The following ERC1 variants were observed in gnomAD, a reference collection of about 807,000 sequenced individuals.
ERC1 encodes the protein ELKS/RAB6-interacting/CAST family member 1.
In ERC1, 56 loss-of-function variants were observed where a neutral mutation model predicts 132.0. That is an observed-to-expected ratio of 0.42 (90% CI 0.34 to 0.53). The LOEUF (loss-of-function observed/expected upper bound fraction) is 0.53, where lower values mean the gene tolerates loss of function less well. Among genes scored for constraint, ERC1 ranks in the 20% least tolerant of loss-of-function variants. ERC1 has a pLI of 0.03. For missense variants in ERC1, 1,202 were observed against 1,349.9 expected, an observed-to-expected ratio of 0.89 and a Z score of 1.72; for synonymous variants, 478 against 476.1, an observed-to-expected ratio of 1.00 and a Z score of -0.05.
chr12:1,008,405 A>AC (rs1964098096), intron 1 of ERC1, among the ~76,000 whole-genome samples: 1 of 152,232 alleles, frequency 6.6e-6, no homozygotes, highest in Non-Finnish European at 1.5e-5. Context: ...GATTTACAAC[A>AC]CATTAAAACA....
intron 15 of ERC1, among the ~76,000 whole-genome samples, chr12:1,339,445 C>T: frequency 7.2e-6 from 1 of 139,740 alleles, no homozygotes; most frequent in Admixed American, 7.1e-5. Flanking sequence ...GTGCCCGCCC[C>T]CATGTAGGCA....
intron 12 of ERC1, among the ~76,000 whole-genome samples, chr12:1,235,095 A>G (rs114221453): frequency 0.055 from 8,328 of 152,320 alleles, 408 homozygotes; most frequent in African/African-American, 0.12. Context: ...TAGGCTGGAC[A>G]TGGTGACTCA....
At chr12:1,156,265 G>C (rs1409054479) in intron 8 of ERC1, among the ~76,000 whole-genome samples, 1 of 151,908 alleles carries the variant, frequency 6.6e-6, no homozygotes, top group Non-Finnish European at 1.5e-5. Context: ...TTGAGACAGA[G>C]TCTCACTCTG....
At chr12:1,159,513 G>C (rs1465771289) in intron 8 of ERC1, among the ~76,000 whole-genome samples, 1 of 152,176 alleles carries the variant, frequency 6.6e-6, no homozygotes, top group African/African-American at 2.4e-5. Context: ...CCAGGAGTTG[G>C]GGACCCCTGC....
At position 1,418,631 on chromosome 12, in the gene ERC1, CTTTCTT is replaced by C. The variant is rs1441374669; in HGVS notation, c.3024+10386_3024+10391del. Among the ~76,000 whole-genome samples the C allele has an allele frequency of 7.6e-3, 872 of 114,078 alleles. 18 individuals carry two copies. Among genetic ancestry groups the C allele is most frequent in the African/African-American group, 0.029 (693 of 24,156 alleles). 74.8% of individuals were successfully genotyped at this position (114,078 alleles called of 152,430 possible). A position where few individuals can be genotyped will look rare whatever the true frequency, so the allele number is the denominator to read the frequency against. ...TCTTTCTTTCTTTCTTTCTTTCTTT[CTTTCTT>C]TCTTTCTCTCTCTCTCTCTCTCTCT... is the stretch of plus-strand genomic sequence containing the variant. On this transcript the variant is annotated intron_variant, in intron 17 of 18. Coordinates refer to ENST00000360905, the MANE Select transcript of ERC1 (RefSeq NM_178040.4).
At chr12:1,144,613 G>GGTATATATATAC (rs1555268131) in intron 8 of ERC1, among the ~76,000 whole-genome samples, 11 of 126,252 alleles carry the variant, frequency 8.7e-5, no homozygotes, top group African/African-American at 4.5e-4. Flanking sequence ...AGAATTTTGT[G>GGTATATATATAC]GTATATATAT....
intron 17 of ERC1, among the ~76,000 whole-genome samples, chr12:1,436,045 T>C (rs1006999557): frequency 1.2e-4 from 18 of 152,204 alleles, no homozygotes; most frequent in Admixed American, 9.2e-4. Flanking sequence ...AGTAGACTTA[T>C]ATCTGCATAG....
intron 12 of ERC1, among the ~76,000 whole-genome samples, chr12:1,195,875 G>C (rs1466101642): frequency 2.1e-3 from 205 of 97,644 alleles, no homozygotes; most frequent in South Asian, 4.1e-3. Flanking sequence ...ACTTATTTCC[G>C]CCCCCCCCCC....
At chr12:1,102,802 G>A (rs1166123029) in intron 3 of ERC1, among the ~76,000 whole-genome samples, 1 of 152,132 alleles carries the variant, frequency 6.6e-6, no homozygotes, top group Admixed American at 6.5e-5. Flanking sequence ...CGAAGTAAAG[G>A]GGAAGGACAC....
chr12:1,479,324 G>C (rs2094039884), intron 18 of ERC1, among the ~76,000 whole-genome samples: 1 of 152,148 alleles, frequency 6.6e-6, no homozygotes, highest in Non-Finnish European at 1.5e-5. Flanking sequence ...ACACCTGCCA[G>C]TTTTGATATG....
In ERC1 at chr12:1,117,250, A is replaced by G. The variant is rs1283079323; in HGVS notation, c.1569+1217A>G. Among the ~76,000 whole-genome samples, 4 of 152,226 alleles carry G rather than the reference A, an allele frequency of 2.6e-5. No individual in the cohort carries two copies. The South Asian group carries it at 6.2e-4, about 24-fold the overall frequency. ...AGGAATGAGGAGGAAAAGAAAGAAT[A>G]AAAACCTCATAGTCTTAGAAGACAA... is the stretch of plus-strand genomic sequence containing the variant. On this transcript the variant is annotated intron_variant, in intron 7 of 18. Transcript: ENST00000360905.
intron 2 of ERC1, among the ~76,000 whole-genome samples, chr12:1,040,602 G>A (rs149565387): frequency 0.035 from 5,250 of 151,944 alleles, 96 homozygotes; most frequent in Middle Eastern, 0.061. Flanking sequence ...CACCGTGCCC[G>A]GCCTAAAAAT....
intron 15 of ERC1, among the ~76,000 whole-genome samples, chr12:1,303,969 A>AG (rs2154346383): frequency 2.0e-5 from 3 of 151,762 alleles, no homozygotes; most frequent in South Asian, 4.1e-4. Flanking sequence ...AAAAAAAAAA[A>AG]AGAATTCCAT....
chr12:1,118,806 C>T (rs865851632), intron 7 of ERC1, among the ~76,000 whole-genome samples: 3 of 152,084 alleles, frequency 2.0e-5, no homozygotes, highest in South Asian at 2.1e-4. Flanking sequence ...TCCCAGACTT[C>T]GATCTAACAC....
In ERC1 at chr12:1,054,600, G is replaced by A. The variant is rs999255055; in HGVS notation, c.669+26028G>A. 5.9e-5 allele frequency among the ~76,000 whole-genome samples: 9 copies of A among 152,136 alleles called. No individual in the cohort carries two copies. In the South Asian group the frequency reaches 8.3e-4, roughly 14 times the overall value. Reference sequence around the variant, plus strand: ...TGGCATGTCACTGTGCATTATCTGGGATGGCATGCTTTGTGAGTATCTGTA... The same window carrying A: ...TGGCATGTCACTGTGCATTATCTGGAATGGCATGCTTTGTGAGTATCTGTA... On this transcript the variant is annotated intron_variant, in intron 2 of 18. Transcript: ENST00000360905.
intron 16 of ERC1, among the ~76,000 whole-genome samples, chr12:1,373,851 G>A (rs1566707574): frequency 6.6e-6 from 1 of 152,316 alleles, no homozygotes; most frequent in Admixed American, 6.5e-5. Context: ...TTAGAAGGAA[G>A]TAGCTAAACA....
intron 9 of ERC1, among the ~76,000 whole-genome samples, chr12:1,181,678 G>A (rs1207779530): frequency 6.6e-6 from 1 of 151,704 alleles, no homozygotes; most frequent in East Asian, 1.9e-4. Flanking sequence ...TGCTACTTGG[G>A]AGGCTGAGGC....
chr12:1,185,295 C>T (rs1023284756), intron 11 of ERC1, among the ~76,000 whole-genome samples: 3 of 152,118 alleles, frequency 2.0e-5, no homozygotes, highest in African/African-American at 7.2e-5. Flanking sequence ...CTGCCATGGC[C>T]TCCCAAACTG....
intron 1 of ERC1, among the ~76,000 whole-genome samples, chr12:1,007,999 A>G (rs1293938768): frequency 1.3e-5 from 2 of 152,118 alleles, no homozygotes; most frequent in African/African-American, 4.8e-5. Context: ...TTTGGTTTCT[A>G]CTTTCTTTTC....
Sources: gnomAD v4.1 joint callset for allele counts (sites outside exome capture counted in the v4.1 genomes callset) on GRCh38, gnomAD v4.1.1 for gene constraint, MANE v1.5 for transcripts, NCBI Gene and HGNC (gene_info 2026-07-23, HGNC 2026-07-21) for gene names.